PRORP: variants seen among roughly 807,000 people sequenced by gnomAD.
PRORP encodes the protein protein only RNase P catalytic subunit.
A neutral mutation model predicts 59.4 loss-of-function variants in PRORP; 51 were observed. The ratio of observed to expected loss-of-function variants is 0.86; its 90% CI spans 0.69 to 1.08. The LOEUF is 1.08. Ranked by LOEUF, PRORP falls within the 50% of genes least tolerant of loss-of-function variation. PRORP has a pLI of 0.00. For synonymous variants in PRORP, 231 were observed against 245.6 expected, an observed-to-expected ratio of 0.94 and a Z score of 0.55; for missense variants, 646 against 690.3, an observed-to-expected ratio of 0.94 and a Z score of 0.72.
chr14:35,265,437 T>G (rs920187624), intron 5 of PRORP, among the ~76,000 whole-genome samples: 3 of 152,214 alleles, frequency 2.0e-5, no homozygotes, highest in Admixed American at 1.3e-4. Flanking sequence ...CTTTTCCTTA[T>G]GAAAAATTGA....
chr14:35,235,210 CT>C, intron 5 of PRORP: 4 of 711,166 alleles, frequency 5.6e-6, no homozygotes, highest in Non-Finnish European at 1.0e-5. Flanking sequence ...TAGCCTTTGC[CT>C]TTTCGAGCTT....
intron 4 of PRORP, among the ~76,000 whole-genome samples, chr14:35,150,341 G>T (rs1260668689): frequency 2.0e-5 from 3 of 152,212 alleles, no homozygotes; most frequent in Non-Finnish European, 4.4e-5. Flanking sequence ...ATGGGGAAAT[G>T]GCTGTTGGTG....
chr14:35,220,724 T>G (rs1479525706), intron 5 of PRORP, among the ~76,000 whole-genome samples: 1 of 149,720 alleles, frequency 6.7e-6, no homozygotes, highest in Non-Finnish European at 1.5e-5. Context: ...ACCTTTAATT[T>G]TAATTATTCC....
intron 4 of PRORP, among the ~76,000 whole-genome samples, chr14:35,180,246 T>C (rs932712980): frequency 2.2e-4 from 34 of 152,104 alleles, no homozygotes; most frequent in African/African-American, 7.2e-4. Flanking sequence ...CAAAGCTCAG[T>C]TGAAAGTGCA....
At chr14:35,136,728 G>A (rs2047385125) in intron 4 of PRORP, among the ~76,000 whole-genome samples, 2 of 145,200 alleles carry the variant, frequency 1.4e-5, no homozygotes, top group Non-Finnish European at 1.5e-5. Context: ...CCAGCTTACA[G>A]GGGAGAGTTA....
chr14:35,203,781 A>G (rs1295409368), intron 5 of PRORP, among the ~76,000 whole-genome samples: 3 of 152,066 alleles, frequency 2.0e-5, no homozygotes, highest in Non-Finnish European at 4.4e-5. Flanking sequence ...GGTGAATGGC[A>G]TGAACCCCAG....
intron 4 of PRORP, among the ~76,000 whole-genome samples, chr14:35,166,284 A>G (rs73236912): frequency 0.06 from 9,040 of 150,862 alleles, 485 homozygotes; most frequent in Admixed American, 0.18. Context: ...ATTTTTTTTC[A>G]TTTCTATTTT....
intron 4 of PRORP, among the ~76,000 whole-genome samples, chr14:35,163,477 A>G (rs1186058928): frequency 6.6e-6 from 1 of 152,114 alleles, no homozygotes; most frequent in Non-Finnish European, 1.5e-5. Flanking sequence ...TTGAGATGGC[A>G]TCTTATTGTG....
chr14:35,154,713 A>G (rs1034978988), intron 4 of PRORP, among the ~76,000 whole-genome samples: 1 of 151,870 alleles, frequency 6.6e-6, no homozygotes, highest in Non-Finnish European at 1.5e-5. Flanking sequence ...AAAAAAAAAA[A>G]AGAGATGGAG....
At chr14:35,171,752 T>G (rs1290617583) in intron 4 of PRORP, among the ~76,000 whole-genome samples, 1 of 152,152 alleles carries the variant, frequency 6.6e-6, no homozygotes, top group Non-Finnish European at 1.5e-5. Flanking sequence ...ATCCTTTCTA[T>G]CCTCTCCTTC....
chr14:35,122,034 A>G (rs1212533042), upstream of PRORP: 7 of 1,540,772 alleles, frequency 4.5e-6, no homozygotes, highest in African/African-American at 6.8e-5. Flanking sequence ...AGGCGTCAGC[A>G]CCGCCAGGCC....
At chr14:35,125,900 T>G (rs2047085325) in intron 2 of PRORP, among the ~76,000 whole-genome samples, 1 of 152,142 alleles carries the variant, frequency 6.6e-6, no homozygotes, top group Non-Finnish European at 1.5e-5. Flanking sequence ...GTGCCGGTAG[T>G]CCTAGCTACT....
intron 4 of PRORP, among the ~76,000 whole-genome samples, chr14:35,161,287 G>C (rs2415266): frequency 6.6e-6 from 1 of 152,104 alleles, no homozygotes. Flanking sequence ...ATAGCCCTTC[G>C]AAGTATGTGT....
intron 5 of PRORP, among the ~76,000 whole-genome samples, chr14:35,256,691 A>T (rs557716773): frequency 6.6e-6 from 1 of 152,088 alleles, no homozygotes; most frequent in Non-Finnish European, 1.5e-5. Context: ...TTTACAGGTG[A>T]AATGATATGT....
chr14:35,172,277 G>A (rs2138997709), intron 4 of PRORP, among the ~76,000 whole-genome samples: 1 of 151,932 alleles, frequency 6.6e-6, no homozygotes, highest in East Asian at 1.9e-4. Context: ...TCGAACTCCT[G>A]ACCTCAGGTG....
intron 5 of PRORP, among the ~76,000 whole-genome samples, chr14:35,247,300 C>G (rs1326330911): frequency 6.6e-6 from 1 of 152,046 alleles, no homozygotes; most frequent in African/African-American, 2.4e-5. Flanking sequence ...AGGTGTCTCT[C>G]CCTCCCTCCC....
intron 5 of PRORP, chr14:35,235,084 C>T: frequency 2.3e-6 from 1 of 428,204 alleles, no homozygotes; most frequent in South Asian, 2.0e-5. Flanking sequence ...TACCAGTAAC[C>T]TCCAAGGGGA....
chr14:35,198,647 A>G (rs888195063), intron 5 of PRORP, among the ~76,000 whole-genome samples: 1 of 152,270 alleles, frequency 6.6e-6, no homozygotes, highest in African/African-American at 2.4e-5. Context: ...AAAAAGAAGC[A>G]TATGTCCCTA....
At chr14:35,161,210 A>T (rs1317283956) in intron 4 of PRORP, among the ~76,000 whole-genome samples, 2 of 152,214 alleles carry the variant, frequency 1.3e-5, no homozygotes, top group Admixed American at 1.3e-4. Flanking sequence ...TACCTAAAGC[A>T]CATACAGGGG....
Sources: gnomAD v4.1 joint callset for allele counts (sites outside exome capture counted in the v4.1 genomes callset) on GRCh38, gnomAD v4.1.1 for gene constraint, MANE v1.5 for transcripts, NCBI Gene and HGNC (gene_info 2026-07-23, HGNC 2026-07-21) for gene names.